Variants in CCDC181 observed in about 807,000 individuals in gnomAD.
CCDC181 encodes the protein coiled-coil domain-containing protein 181.
Under a neutral mutation model 58.7 loss-of-function variants are expected in CCDC181, and 35 were observed. The ratio of observed to expected loss-of-function variants is 0.60; its 90% CI spans 0.46 to 0.79. CCDC181 has a LOEUF of 0.79. CCDC181 is among the 30% of genes least tolerant of loss of function. The pLI is 0.00. For missense variants in CCDC181, 517 were observed against 583.9 expected (o/e 0.89, Z 1.18); for synonymous variants, 183 against 197.5 (o/e 0.93, Z 0.62).
chr1:169,453,531 G>C (rs1325434747), intron 2 of CCDC181, among the ~76,000 whole-genome samples: 1 of 151,994 alleles, frequency 6.6e-6, no homozygotes, highest in Non-Finnish European at 1.5e-5. Flanking sequence ...TAATGGGGAG[G>C]CCATATTTTT....
chr1:169,395,961 T>C (rs942352530), intron 5 of CCDC181: 2 of 151,998 alleles, frequency 1.3e-5, no homozygotes, highest in African/African-American at 4.8e-5. Flanking sequence ...TGATGATATG[T>C]GGTCCTGAAT....
chr1:169,457,331 A>G (rs1292786705), intron 2 of CCDC181, among the ~76,000 whole-genome samples: 2 of 151,882 alleles, frequency 1.3e-5, no homozygotes, highest in African/African-American at 4.8e-5. Flanking sequence ...CTTCTCCTCC[A>G]TTCTATCTAT....
chr1:169,430,668 G>GA (rs35082762), upstream of CCDC181, among the ~76,000 whole-genome samples: 18,838 of 148,210 alleles, frequency 0.13, 2,543 homozygotes, highest in East Asian at 0.77. Context: ...CAAAGAATTG[G>GA]AAAAAAAAAA....
In CCDC181 at chr1:169,395,205, A is replaced by G. The variant is rs1470095088; in HGVS notation, c.1372T>C (p.Trp458Arg). ...TEGRERAFKQ[W>R]LRRKRMEKMA... ...TTTTCCATCCGTTTCCTTCTTAACC[A>G]TCTGTAGAAACAGGCATGATCAGAT... The change falls in exon 6 of 6, where the codon TGG becomes CGG. Residue 458 changes from tryptophan to arginine, a missense_variant and splice_region_variant. By Grantham distance (101) the Trp-to-Arg change is moderately radical. Transcript: ENST00000367806. 2.5e-6 allele frequency: 4 copies of G among 1,609,532 alleles called. No individual in the cohort carries two copies. Among genetic ancestry groups the G allele is most frequent in the East Asian group, 4.5e-5 (2 of 44,724 alleles).
At chr1:169,444,937 A>G (rs1454386233) in intron 2 of CCDC181, among the ~76,000 whole-genome samples, 1 of 152,152 alleles carries the variant, frequency 6.6e-6, no homozygotes, top group Non-Finnish European at 1.5e-5. Context: ...ATATCCTTTC[A>G]TGACTTTCCA....
At chr1:169,449,244 C>G (rs1197493326) in intron 2 of CCDC181, among the ~76,000 whole-genome samples, 3 of 152,114 alleles carry the variant, frequency 2.0e-5, no homozygotes, top group Non-Finnish European at 1.5e-5. Context: ...TGATCAGATA[C>G]TAGGAACTGA....
At chr1:169,425,691 C>T (rs1039761765) in intron 1 of CCDC181, among the ~76,000 whole-genome samples, 19 of 151,974 alleles carry the variant, frequency 1.3e-4, no homozygotes, top group African/African-American at 2.2e-4. Context: ...CACTGTAATC[C>T]GAAATACTTA....
chr1:169,447,435 T>C (rs1657407845), intron 2 of CCDC181, among the ~76,000 whole-genome samples: 1 of 152,172 alleles, frequency 6.6e-6, no homozygotes, highest in African/African-American at 2.4e-5. Context: ...TTGTATTTTG[T>C]AGCTCAAATG....
chr1:169,448,287 T>A (rs7546361), intron 2 of CCDC181, among the ~76,000 whole-genome samples: 55,206 of 152,088 alleles, frequency 0.36, 11,796 homozygotes, highest in Non-Finnish European at 0.48. Flanking sequence ...ATTCCTTTTT[T>A]AAATATAAAA....
intron 2 of CCDC181, among the ~76,000 whole-genome samples, chr1:169,446,221 G>A (rs796093651): frequency 8.5e-5 from 13 of 152,164 alleles, no homozygotes; most frequent in African/African-American, 2.4e-4. Flanking sequence ...CGAGGCAGGC[G>A]GACCATGAGG....
At chr1:169,416,186 T>C (rs1656206318) in intron 4 of CCDC181, among the ~76,000 whole-genome samples, 1 of 152,170 alleles carries the variant, frequency 6.6e-6, no homozygotes, top group African/African-American at 2.4e-5. Flanking sequence ...AGTTTCCCCT[T>C]CTGGGTAGCG....
intron 4 of CCDC181, among the ~76,000 whole-genome samples, chr1:169,400,446 T>A (rs1230492340): frequency 1.3e-5 from 2 of 151,868 alleles, no homozygotes; most frequent in East Asian, 1.9e-4. Context: ...TTAACCAATT[T>A]AAAAAAAATC....
At chr1:169,458,429 G>C (rs1030067649) in intron 2 of CCDC181, among the ~76,000 whole-genome samples, 1 of 151,918 alleles carries the variant, frequency 6.6e-6, no homozygotes, top group African/African-American at 2.4e-5. Flanking sequence ...ATGTTTACCA[G>C]TTTCTTATAA....
chr1:169,430,580 T>G (rs1169096218), upstream of CCDC181, among the ~76,000 whole-genome samples: 2 of 152,152 alleles, frequency 1.3e-5, no homozygotes, highest in Non-Finnish European at 2.9e-5. Context: ...CTTGATTTGA[T>G]TCTCATCTTG....
In CCDC181 at chr1:169,395,475, A is replaced by G. The variant is rs1047021374; in HGVS notation, c.1371-269T>C. On this transcript the variant is annotated intron_variant, in intron 5 of 5. Coordinates refer to ENST00000367806, the MANE Select transcript of CCDC181 (RefSeq NM_001300969.2). ...AATTGGTTTTTTAATAATAAACACT[A>G]TTTTATGTGTGCTGTAGATCCTATT... Among the ~76,000 whole-genome samples, 3 of 152,308 alleles carry G rather than the reference A, an allele frequency of 2.0e-5. No homozygotes were observed. The East Asian group carries it at 5.8e-4, about 29-fold the overall frequency.
At chr1:169,426,226 C>T (rs1324257272) in intron 1 of CCDC181, among the ~76,000 whole-genome samples, 1 of 152,122 alleles carries the variant, frequency 6.6e-6, no homozygotes, top group African/African-American at 2.4e-5. Flanking sequence ...TCCCTTAAGC[C>T]TTTTTCAAAT....
intron 2 of CCDC181, among the ~76,000 whole-genome samples, chr1:169,437,068 T>G (rs893111688): frequency 2.6e-5 from 4 of 151,454 alleles, no homozygotes; most frequent in African/African-American, 9.7e-5. Context: ...GGGATCAGAG[T>G]TTTTAAGGAC....
chr1:169,401,985 T>C (rs923655079), intron 4 of CCDC181, among the ~76,000 whole-genome samples: 1 of 152,086 alleles, frequency 6.6e-6, no homozygotes, highest in Non-Finnish European at 1.5e-5. Context: ...CTGAAAACCA[T>C]GGCACAAGAA....
chr1:169,438,338 G>A (rs764953841), intron 2 of CCDC181, among the ~76,000 whole-genome samples: 6 of 151,750 alleles, frequency 4.0e-5, no homozygotes, highest in East Asian at 1.9e-4. Context: ...CCTTTCTGCC[G>A]GCATACTAGG....
Sources: gnomAD v4.1 joint callset for allele counts (sites outside exome capture counted in the v4.1 genomes callset) on GRCh38, gnomAD v4.1.1 for gene constraint, MANE v1.5 for transcripts, NCBI Gene and HGNC (gene_info 2026-07-23, HGNC 2026-07-21) for gene names.